Variants in CHDH observed in about 807,000 individuals in gnomAD.
The protein encoded by CHDH is choline dehydrogenase, mitochondrial.
CHDH carries 43 observed loss-of-function variants against 56.9 expected under a neutral mutation model. The observed-to-expected ratio is 0.76, with a 90% CI of 0.59 to 0.97. CHDH has a LOEUF of 0.97. Among genes scored for constraint, CHDH ranks in the 50% least tolerant of loss-of-function variants. The probability of loss-of-function intolerance (pLI) is 0.00; values close to 1 mark genes in which losing one functional copy is unlikely to be tolerated. For missense variants in CHDH, 816 were observed against 821.1 expected, an observed-to-expected ratio of 0.99 and a Z score of 0.08; for synonymous variants, 364 against 348.5, an observed-to-expected ratio of 1.04 and a Z score of -0.50.
chr3:53,839,714 G>A (rs540763158), intron 2 of CHDH, among the ~76,000 whole-genome samples: 1 of 152,216 alleles, frequency 6.6e-6, no homozygotes, highest in South Asian at 2.1e-4. Context: ...ACTGGGCTGG[G>A]TATATAGAAG....
intron 1 of CHDH, among the ~76,000 whole-genome samples, chr3:53,842,912 C>A (rs757079509): frequency 2.6e-5 from 4 of 152,206 alleles, no homozygotes; most frequent in Non-Finnish European, 5.9e-5. Flanking sequence ...CCACCAGGGG[C>A]CCTGGGAGAC....
rs1024728120 is a variant in CHDH at position 53,823,418 on chromosome 3, C to T, written c.591G>A (p.Pro197=). 8 of 1,592,724 alleles carry T rather than the reference C, an allele frequency of 5.0e-6. No homozygotes were observed. The highest frequency in any genetic ancestry group is 2.3e-5 in the East Asian group (1 of 43,494). The change falls in exon 3 of 9, where the codon CCG becomes CCA. Residue 197 remains proline, a synonymous_variant. Transcript: ENST00000315251. ...TGGCCTCCAGGAATGCGCAGTGCAG[C>T]GGGTGGTTGGTCTTGCCCCGGGACA... ...LRVSRGKTNH[P]LHCAFLEATQ...
Position 53,819,710 on chromosome 3 carries a change from T to G in CHDH, c.1121-36A>C. ...GAAGAGGATGAGGCAGAAGAGCCAG[T>G]CAGGCCGTGGCAGGTGGGCCGGCTG... is the stretch of plus-strand genomic sequence containing the variant. On this transcript the variant is annotated intron_variant, in intron 6 of 8. Coordinates refer to ENST00000315251, the MANE Select transcript of CHDH (RefSeq NM_018397.5). This position sits in a 1 kb window ranked among gnomAD's most constrained non-coding sequence, Gnocchi z 5.4. 1.3e-6 allele frequency: 2 copies of G among 1,537,984 alleles called. No individual in the cohort carries two copies. The highest frequency in any genetic ancestry group is 1.8e-6 in the Non-Finnish European group (2 of 1,140,664).
intron 2 of CHDH, 97 bp from the exon 3 acceptor site, chr3:53,824,164 G>C (rs2095634528): frequency 9.3e-6 from 6 of 647,618 alleles, no homozygotes; most frequent in Non-Finnish European, 1.5e-5. Context: ...GGCCCAGCCT[G>C]ATGTGGCTGC....
Position 53,834,525 on chromosome 3 carries a change from C to T in CHDH, c.-60+6404G>A, listed in dbSNP as rs74386928. The stretch of plus-strand genomic sequence containing the variant: ...TGGTCAGAAAACGGATTGCTTTATA[C>T]GACAAGACAGATTTCCATGTAATTT... On this transcript the variant is annotated intron_variant, in intron 2 of 8. Coordinates refer to ENST00000315251, the MANE Select transcript of CHDH (RefSeq NM_018397.5). Among the ~76,000 whole-genome samples, 1,159 of 152,310 alleles carry T rather than the reference C, an allele frequency of 7.6e-3. 13 individuals carry two copies. The highest frequency in any genetic ancestry group is 0.027 in the African/African-American group (1,104 of 41,552).
rs762655955 is a variant in CHDH at position 53,818,071 on chromosome 3, C to G, written c.1491G>C (p.Glu497Asp). Residue 497 changes from glutamate (E) to aspartate (D), a missense_variant, in exon 9 of 9, where the codon GAG becomes GAC. Transcript: ENST00000315251. ...QPGSHIQSDK[E>D]IDAFVRAKAD... ...CTTTTGCCCGCACAAAGGCATCTATCTCTTTATCTGACTGAATGTGGCTTC... is the reference window on the plus strand; with the variant it reads ...CTTTTGCCCGCACAAAGGCATCTATGTCTTTATCTGACTGAATGTGGCTTC... 9 of 1,614,214 alleles carry G rather than the reference C, an allele frequency of 5.6e-6. No homozygotes were observed. The Middle Eastern group carries it at 6.6e-4, about 118-fold the overall frequency.
Position 53,846,331 on chromosome 3 carries a change from C to A in CHDH, c.-379G>T, listed in dbSNP as rs1479676063. On this transcript the variant is annotated 5_prime_UTR_variant, in exon 1 of 9. Coordinates refer to ENST00000315251, the MANE Select transcript of CHDH (RefSeq NM_018397.5). ...TGATGCACCTGGCTCACTGCATGCA[C>A]GTGTGCGCGGGGGTAGGCGCGCGCC... 4.5e-6 allele frequency: 2 copies of A among 442,536 alleles called. No homozygotes were observed. Among genetic ancestry groups the A allele is most frequent in the East Asian group, 3.9e-5 (1 of 25,362 alleles). 27.4% of individuals were successfully genotyped at this position (442,536 alleles called of 1,614,324 possible). A position where few individuals can be genotyped will look rare whatever the true frequency, so the allele number is the denominator to read the frequency against.
intron 1 of CHDH, among the ~76,000 whole-genome samples, 191 bp downstream of exon 1, chr3:53,845,892 C>T (rs1485194150): frequency 6.6e-6 from 1 of 152,246 alleles, no homozygotes; most frequent in Non-Finnish European, 1.5e-5. Flanking sequence ...AATTCGCTCC[C>T]TCAAAGGAGT....
At chr3:53,831,488 C>T (rs1205951232) in intron 2 of CHDH, among the ~76,000 whole-genome samples, 1 of 152,252 alleles carries the variant, frequency 6.6e-6, no homozygotes, top group Non-Finnish European at 1.5e-5. Flanking sequence ...AGGTCTGACC[C>T]AGCACAGTCC....
chr3:53,823,610 G>T lies in CHDH; in HGVS notation c.399C>A (p.Ser133=). ...PRGRVWGGSS[S]LNAMVYVRGH... ...CACGGACGTAGACCATGGCATTGAG[G>T]GATGAGGAGCCACCCCAGACGCGGC... The change falls in exon 3 of 9, where the codon TCC becomes TCA. Residue 133 remains serine, a synonymous_variant. Transcript: ENST00000315251. 1 of 1,544,000 alleles carries T rather than the reference G, an allele frequency of 6.5e-7. No homozygotes were observed. The highest frequency in any genetic ancestry group is 1.2e-5 in the South Asian group (1 of 83,974).
intron 2 of CHDH, among the ~76,000 whole-genome samples, chr3:53,838,056 CAAAAAAAAAA>C (rs34971544): frequency 3.1e-4 from 18 of 58,818 alleles, no homozygotes; most frequent in South Asian, 1.3e-3. Flanking sequence ...GACTCTGTCT[CAAAAAAAAAA>C]AAAAAAAAAA....
chr3:53,846,133 C>A lies in CHDH; in HGVS notation c.-181G>T, dbSNP rs1698873688. The A allele has an allele frequency of 6.5e-6, 1 of 153,386 alleles. No individual in the cohort carries two copies. Among genetic ancestry groups the A allele is most frequent in the African/African-American group, 2.4e-5 (1 of 41,458 alleles). 9.5% of individuals were successfully genotyped at this position (153,386 alleles called of 1,614,324 possible). A position where few individuals can be genotyped will look rare whatever the true frequency, so the allele number is the denominator to read the frequency against. On this transcript the variant is annotated 5_prime_UTR_variant, in exon 1 of 9. Coordinates refer to ENST00000315251, the MANE Select transcript of CHDH (RefSeq NM_018397.5). ...ACAGTCGGGACCGGAGCGGGAGGAG[C>A]GGGTGGCCGCGGCCCGGCCCCTGCC...
intron 2 of CHDH, among the ~76,000 whole-genome samples, chr3:53,832,262 T>C (rs1698357174): frequency 1.3e-5 from 2 of 152,186 alleles, no homozygotes; most frequent in South Asian, 4.1e-4. Context: ...CCGGGCATGG[T>C]GGCTCACGCC....
intron 1 of CHDH, among the ~76,000 whole-genome samples, chr3:53,845,122 C>T (rs1212384354): frequency 6.6e-6 from 1 of 152,236 alleles, no homozygotes; most frequent in African/African-American, 2.4e-5. Context: ...ATGAGGGGCT[C>T]AGGGTGGCCC....
intron 2 of CHDH, among the ~76,000 whole-genome samples, chr3:53,833,302 C>T (rs1036259072): frequency 1.3e-4 from 20 of 152,192 alleles, no homozygotes; most frequent in African/African-American, 4.3e-4. Context: ...AACCCCACCC[C>T]GTATCACAAC....
chr3:53,834,871 C>A (rs944843291), intron 2 of CHDH, among the ~76,000 whole-genome samples: 5 of 152,202 alleles, frequency 3.3e-5, no homozygotes, highest in African/African-American at 1.2e-4. Context: ...TCACTGGTCA[C>A]CCAAGAGGAG....
Position 53,823,333 on chromosome 3 carries a change from C to CGAAGCCCTCCTGCTG in CHDH, c.661_675dup (p.Gln221_Phe225dup). The CGAAGCCCTCCTGCTG allele has an allele frequency of 6.3e-7, 1 of 1,586,888 alleles. No homozygotes were observed. Among genetic ancestry groups the CGAAGCCCTCCTGCTG allele is most frequent in the Non-Finnish European group, 8.6e-7 (1 of 1,165,400 alleles). Reference sequence around the variant, plus strand: ...TCATGGATGGTCATGTCCATCCAGCCGAAGCCCTCCTGCTGGAAGCCATTC... The same window carrying CGAAGCCCTCCTGCTG: ...TCATGGATGGTCATGTCCATCCAGCCGAAGCCCTCCTGCTGGAAGCCCTCCTGCTGGAAGCCATTC... On this transcript the variant is annotated inframe_insertion, in exon 3 of 9. Transcript: ENST00000315251.
chr3:53,841,150 A>G (rs1019280901), intron 1 of CHDH, among the ~76,000 whole-genome samples, 151 bp from the exon 2 acceptor site: 3 of 152,128 alleles, frequency 2.0e-5, no homozygotes, highest in African/African-American at 7.2e-5. Flanking sequence ...AACAATTTTC[A>G]TCATATTTTA....
chr3:53,824,704 C>G (rs1013520802), intron 2 of CHDH, among the ~76,000 whole-genome samples: 1 of 152,154 alleles, frequency 6.6e-6, no homozygotes, highest in Non-Finnish European at 1.5e-5. Flanking sequence ...AGAATGCTAG[C>G]GTTTTAACAG....
Sources: gnomAD v4.1 joint callset for allele counts (sites outside exome capture counted in the v4.1 genomes callset) on GRCh38, gnomAD v4.1.1 for gene constraint, Gnocchi (gnomAD v3.1) non-coding constraint, MANE v1.5 for transcripts, NCBI Gene and HGNC (gene_info 2026-07-23, HGNC 2026-07-21) for gene names.